Variants in PRKN observed in about 807,000 individuals in gnomAD.
The protein encoded by PRKN is E3 ubiquitin-protein ligase parkin.
In PRKN, 56 loss-of-function variants were observed where a neutral mutation model predicts 59.5. That is an observed-to-expected ratio of 0.94 (90% confidence interval 0.76 to 1.18). The LOEUF is 1.18. Among genes scored for constraint, PRKN ranks in the 50% most tolerant of loss-of-function variants. The pLI is 0.00. For missense variants in PRKN, 657 were observed against 596.4 expected (o/e 1.10, Z -1.06); for synonymous variants, 250 against 222.1 (o/e 1.13, Z -1.12).
chr6:161,852,395 A>G (rs575267949), intron 6 of PRKN, among the ~76,000 whole-genome samples: 15 of 151,864 alleles, frequency 9.9e-5, no homozygotes, highest in Non-Finnish European at 1.6e-4. Flanking sequence ...TGAGGCTGCA[A>G]TGAGCTATGA....
chr6:161,704,234 C>T (rs569871448), intron 7 of PRKN, among the ~76,000 whole-genome samples: 3 of 152,246 alleles, frequency 2.0e-5, no homozygotes, highest in Middle Eastern at 3.4e-3. Flanking sequence ...ACTCCCAGTA[C>T]ATACTTGCTG....
chr6:162,536,494 T>G (rs1351230697), intron 1 of PRKN, among the ~76,000 whole-genome samples: 2 of 152,110 alleles, frequency 1.3e-5, no homozygotes, highest in African/African-American at 2.4e-5. Context: ...CACATGGAAC[T>G]CAGTAGAGAA....
intron 9 of PRKN, among the ~76,000 whole-genome samples, chr6:161,412,368 C>T (rs572357490): frequency 6.6e-6 from 1 of 151,190 alleles, no homozygotes; most frequent in African/African-American, 2.4e-5. Flanking sequence ...TATTCCTCCA[C>T]TCACTCATTC....
chr6:161,992,378 A>G (rs997287271), intron 5 of PRKN, among the ~76,000 whole-genome samples: 2 of 152,168 alleles, frequency 1.3e-5, no homozygotes, highest in African/African-American at 4.8e-5. Flanking sequence ...TCATCATATA[A>G]TGAAACATGT....
intron 3 of PRKN, among the ~76,000 whole-genome samples, chr6:162,218,354 G>C (rs944582797): frequency 6.6e-6 from 1 of 152,070 alleles, no homozygotes; most frequent in Non-Finnish European, 1.5e-5. Context: ...GGAGGCTGTC[G>C]TGACTCGTTC....
intron 2 of PRKN, among the ~76,000 whole-genome samples, chr6:162,349,453 T>G (rs1392068272): frequency 6.6e-6 from 1 of 151,864 alleles, no homozygotes; most frequent in African/African-American, 2.4e-5. Flanking sequence ...GGCAAGAGAG[T>G]GAAATTCTGT....
chr6:162,162,865 G>T (rs1389368553), intron 4 of PRKN, among the ~76,000 whole-genome samples: 1 of 148,016 alleles, frequency 6.8e-6, no homozygotes, highest in African/African-American at 2.6e-5. Flanking sequence ...AAAATCAGTG[G>T]GGCGTGATGG....
At chr6:161,689,151 G>T (rs192467481) in intron 7 of PRKN, among the ~76,000 whole-genome samples, 1 of 149,746 alleles carries the variant, frequency 6.7e-6, no homozygotes, top group East Asian at 2.0e-4. Flanking sequence ...GTTTTGCCTT[G>T]TTGTTTGCTT....
chr6:161,541,691 C>T (rs893059026), intron 9 of PRKN, among the ~76,000 whole-genome samples: 6 of 152,018 alleles, frequency 3.9e-5, no homozygotes, highest in Non-Finnish European at 7.4e-5. Context: ...CGTAGTGGCA[C>T]GTGCCTGTAA....
At chr6:162,609,736 T>C (rs571931015) in intron 1 of PRKN, among the ~76,000 whole-genome samples, 1 of 152,204 alleles carries the variant, frequency 6.6e-6, no homozygotes, top group Non-Finnish European at 1.5e-5. Flanking sequence ...TTAAACAAAA[T>C]AAAACTAATG....
At chr6:161,664,774 AAAC>A (rs938852777) in intron 7 of PRKN, among the ~76,000 whole-genome samples, 2 of 149,192 alleles carry the variant, frequency 1.3e-5, no homozygotes, top group African/African-American at 5.0e-5. Context: ...ATTTTATTAA[AAAC>A]AACAACTGAC....
At chr6:162,398,036 C>CAAAAAAAAAAAAAAAAAAAAAAAAAAA (rs10707854) in intron 2 of PRKN, among the ~76,000 whole-genome samples, 1 of 83,756 alleles carries the variant, frequency 1.2e-5, no homozygotes. Flanking sequence ...GATTCTGACT[C>CAAAAAAAAAAAAAAAAAAAAAAAAAAA]AAAAAAAAAA....
intron 2 of PRKN, among the ~76,000 whole-genome samples, chr6:162,288,464 C>T (rs919920059): frequency 6.6e-6 from 1 of 152,100 alleles, no homozygotes; most frequent in African/African-American, 2.4e-5. Context: ...GGGAGATTAT[C>T]CCCGGCGGGC....
intron 2 of PRKN, among the ~76,000 whole-genome samples, chr6:162,369,889 G>C (rs1057439634): frequency 6.6e-5 from 10 of 152,122 alleles, no homozygotes; most frequent in African/African-American, 2.2e-4. Context: ...CTCAAGACTT[G>C]TGGCTATTTG....
At chr6:161,830,435 G>A (rs1225066309) in intron 6 of PRKN, among the ~76,000 whole-genome samples, 2 of 151,918 alleles carry the variant, frequency 1.3e-5, no homozygotes, top group Non-Finnish European at 2.9e-5. Flanking sequence ...TCTGTTTTTA[G>A]TAGAGACAGT....
chr6:162,427,588 T>A (rs114143954), intron 2 of PRKN, among the ~76,000 whole-genome samples: 12 of 152,270 alleles, frequency 7.9e-5, no homozygotes, highest in Non-Finnish European at 1.5e-4. Flanking sequence ...TTATTTAAAG[T>A]TTAAAAGCAT....
intron 7 of PRKN, among the ~76,000 whole-genome samples, chr6:161,691,990 TTG>T (rs1347010276): frequency 1.3e-5 from 2 of 151,224 alleles, no homozygotes; most frequent in African/African-American, 4.8e-5. Context: ...GTTTGCCGAT[TTG>T]TGGACTATCC....
At chr6:161,732,361 T>C (rs1787752111) in intron 7 of PRKN, among the ~76,000 whole-genome samples, 1 of 152,052 alleles carries the variant, frequency 6.6e-6, no homozygotes, top group African/African-American at 2.4e-5. Flanking sequence ...TAACAGGTAC[T>C]TTTTCTGGTC....
intron 6 of PRKN, among the ~76,000 whole-genome samples, chr6:161,961,821 G>T (rs1780390785): frequency 6.6e-6 from 1 of 152,132 alleles, no homozygotes; most frequent in South Asian, 2.1e-4. Context: ...GGTAGAAGAG[G>T]TATTAAAGAT....
Sources: allele counts gnomAD v4.1 joint callset (sites outside exome capture counted in the v4.1 genomes callset), GRCh38; gene constraint gnomAD v4.1.1; transcripts MANE v1.5; gene names NCBI Gene and HGNC (gene_info 2026-07-23, HGNC 2026-07-21).